Variants in SNX29 observed in about 807,000 individuals in gnomAD.
SNX29 encodes sorting nexin 29.
In SNX29, 78 loss-of-function variants were observed where a neutral mutation model predicts 102.1. The ratio of observed to expected loss-of-function variants is 0.76; its 90% CI spans 0.64 to 0.92. The LOEUF is 0.92. Ranked by LOEUF, SNX29 falls within the 40% of genes least tolerant of loss-of-function variation. The probability of loss-of-function intolerance (pLI) is 0.00; values close to 1 mark genes in which losing one functional copy is unlikely to be tolerated. For missense variants in SNX29, 1,280 were observed against 1,061.7 expected, an observed-to-expected ratio of 1.21 and a Z score of -2.86; for synonymous variants, 580 against 414.5, an observed-to-expected ratio of 1.40 and a Z score of -4.85.
chr16:12,300,618 C>G (rs1211476967), intron 15 of SNX29, among the ~76,000 whole-genome samples: 8 of 152,146 alleles, frequency 5.3e-5, no homozygotes, highest in Non-Finnish European at 1.0e-4. Flanking sequence ...AATAGCAACA[C>G]AAGAAAAACA....
At chr16:12,202,374 G>C (rs191925734) in intron 14 of SNX29, among the ~76,000 whole-genome samples, 6 of 152,264 alleles carry the variant, frequency 3.9e-5, no homozygotes, top group Non-Finnish European at 1.5e-5. Context: ...GTCCAGAAGT[G>C]AGGTTGGGTT....
chr16:12,443,009 G>A (rs1258423813), intron 18 of SNX29: 1 of 455,840 alleles, frequency 2.2e-6, no homozygotes, highest in Non-Finnish European at 4.4e-6. Context: ...TTAAAAATGT[G>A]AAAATCATTC....
At chr16:12,220,187 G>C (rs1228181179) in intron 14 of SNX29, among the ~76,000 whole-genome samples, 1 of 152,208 alleles carries the variant, frequency 6.6e-6, no homozygotes, top group African/African-American at 2.4e-5. Context: ...TGAGAAGCTT[G>C]GGGTGCAGGT....
At chr16:12,555,005 G>A (rs1366945898) in intron 20 of SNX29, among the ~76,000 whole-genome samples, 5 of 151,932 alleles carry the variant, frequency 3.3e-5, no homozygotes, top group Admixed American at 3.3e-4. Flanking sequence ...CTTTCTTGCA[G>A]AGGCAGGCAG....
intron 18 of SNX29, among the ~76,000 whole-genome samples, chr16:12,449,945 G>C (rs2086231415): frequency 6.6e-6 from 1 of 152,228 alleles, no homozygotes; most frequent in South Asian, 2.1e-4. Context: ...TTCCCCACGT[G>C]TTGTGGGAGG....
intron 19 of SNX29, among the ~76,000 whole-genome samples, chr16:12,512,383 T>C (rs866909422): frequency 1.3e-5 from 1 of 76,598 alleles, no homozygotes; most frequent in Admixed American, 1.2e-4. Flanking sequence ...TATATATATA[T>C]ATATATATAT....
chr16:12,067,585 T>A (rs1383905090), intron 9 of SNX29, among the ~76,000 whole-genome samples: 2 of 152,218 alleles, frequency 1.3e-5, no homozygotes, highest in Non-Finnish European at 2.9e-5. Context: ...CCTTCTGGGT[T>A]CAAGCAATTC....
intron 18 of SNX29, among the ~76,000 whole-genome samples, chr16:12,423,721 C>T (rs144502709): frequency 2.0e-5 from 3 of 152,264 alleles, no homozygotes; most frequent in East Asian, 1.9e-4. Flanking sequence ...CAGGCGCGCA[C>T]CACCAAGCCT....
At chr16:12,230,453 G>A (rs1043483777) in intron 14 of SNX29, among the ~76,000 whole-genome samples, 2 of 152,192 alleles carry the variant, frequency 1.3e-5, no homozygotes, top group Admixed American at 6.5e-5. Flanking sequence ...AAGTGCAAAC[G>A]AACCCTCTTG....
At chr16:12,314,637 T>G (rs899454800) in intron 15 of SNX29, among the ~76,000 whole-genome samples, 1 of 152,282 alleles carries the variant, frequency 6.6e-6, no homozygotes, top group Non-Finnish European at 1.5e-5. Flanking sequence ...TAAAGCTGTT[T>G]CTTCAGCATC....
chr16:12,177,020 T>G (rs1345172366), intron 13 of SNX29, among the ~76,000 whole-genome samples: 1 of 152,178 alleles, frequency 6.6e-6, no homozygotes, highest in African/African-American at 2.4e-5. Context: ...CAATCATAGC[T>G]TACTGTAGCT....
chr16:12,413,298 T>C (rs1008537162), intron 18 of SNX29, among the ~76,000 whole-genome samples: 1 of 152,082 alleles, frequency 6.6e-6, no homozygotes, highest in African/African-American at 2.4e-5. Context: ...TGGTGGGATC[T>C]CCTAACTGCA....
Position 12,525,096 on chromosome 16 carries a change from C to G in SNX29, c.2318+255C>G, listed in dbSNP as rs546619914. 1.7e-3 allele frequency among the ~76,000 whole-genome samples: 255 copies of G among 152,206 alleles called. 1 individual carries two copies. Among genetic ancestry groups the G allele is most frequent in the African/African-American group, 2.1e-3 (86 of 41,528 alleles). On this transcript the variant is annotated intron_variant, in intron 20 of 20. Coordinates refer to ENST00000566228, the MANE Select transcript of SNX29 (RefSeq NM_032167.5). Reference sequence around the variant, plus strand: ...GAGGCTCACAAAGAAACTTGGGGCTCTGTGATTTTGTACTTTCACACATTT... The same window carrying G: ...GAGGCTCACAAAGAAACTTGGGGCTGTGTGATTTTGTACTTTCACACATTT...
intron 13 of SNX29, among the ~76,000 whole-genome samples, chr16:12,165,135 A>G (rs555733368): frequency 3.2e-4 from 49 of 152,348 alleles, no homozygotes; most frequent in African/African-American, 8.7e-4. Flanking sequence ...ACATACTGGC[A>G]TCTTATTAAG....
At chr16:12,532,641 T>C (rs2076962715) in intron 20 of SNX29, among the ~76,000 whole-genome samples, 1 of 152,160 alleles carries the variant, frequency 6.6e-6, no homozygotes, top group African/African-American at 2.4e-5. Context: ...TTTCCTGATA[T>C]AAAACGTGGA....
chr16:12,547,724 C>T (rs559420586), intron 20 of SNX29, among the ~76,000 whole-genome samples: 120 of 152,258 alleles, frequency 7.9e-4, no homozygotes, highest in Middle Eastern at 6.8e-3. Flanking sequence ...GCATGGCACC[C>T]ATCACTGCCC....
chr16:12,378,315 G>A (rs757172203), intron 16 of SNX29, among the ~76,000 whole-genome samples: 17 of 152,166 alleles, frequency 1.1e-4, no homozygotes, highest in Non-Finnish European at 2.1e-4. Flanking sequence ...AAGCAAGAGA[G>A]TGGGGAGGTG....
intron 20 of SNX29, among the ~76,000 whole-genome samples, chr16:12,548,834 C>G (rs949466252): frequency 6.6e-6 from 1 of 152,224 alleles, no homozygotes; most frequent in Non-Finnish European, 1.5e-5. Flanking sequence ...CCAGCCCTGT[C>G]TAGCTCTCAG....
chr16:12,500,123 C>T (rs2151890363), intron 19 of SNX29, among the ~76,000 whole-genome samples: 1 of 152,266 alleles, frequency 6.6e-6, no homozygotes, highest in South Asian at 2.1e-4. Context: ...TCCTGAGCAG[C>T]TGGGGCTACA....
Sources: gnomAD v4.1 joint callset for allele counts (sites outside exome capture counted in the v4.1 genomes callset) on GRCh38, gnomAD v4.1.1 for gene constraint, MANE v1.5 for transcripts, NCBI Gene and HGNC (gene_info 2026-07-23, HGNC 2026-07-21) for gene names.